NAALADL2: variants seen among roughly 807,000 people sequenced by gnomAD.
NAALADL2 encodes inactive N-acetylated-alpha-linked acidic dipeptidase-like protein 2.
NAALADL2 carries 76 observed loss-of-function variants against 87.2 expected under a neutral mutation model. The ratio of observed to expected loss-of-function variants is 0.87; its 90% CI spans 0.72 to 1.05. The LOEUF (loss-of-function observed/expected upper bound fraction) is 1.05. Among genes scored for constraint, NAALADL2 ranks in the 50% least tolerant of loss-of-function variants. NAALADL2 has a pLI of 0.00. For synonymous variants in NAALADL2, 354 were observed against 331.0 expected (o/e 1.07, Z -0.75); for missense variants, 1,089 against 945.8 (o/e 1.15, Z -1.99).
At chr3:174,498,609 A>G (rs1430434480) in intron 1 of NAALADL2, among the ~76,000 whole-genome samples, 1 of 150,128 alleles carries the variant, frequency 6.7e-6, no homozygotes, top group Non-Finnish European at 1.5e-5. Flanking sequence ...TCTTTAAAAG[A>G]TAAACTATAT....
rs775246309 is a variant in NAALADL2, at chr3:175,008,797, A to G, written c.44-87993A>G. Among the ~76,000 whole-genome samples, 23 of 151,786 alleles carry G rather than the reference A, an allele frequency of 1.5e-4. 1 individual carries two copies. In the South Asian group the frequency reaches 3.9e-3, roughly 26 times the overall value. ...ACCTTCTAGGATTCCTTGCAGTTCCATGTTTGGTCCAGCCATCATTTTTTG... is the reference window on the plus strand; with the variant it reads ...ACCTTCTAGGATTCCTTGCAGTTCCGTGTTTGGTCCAGCCATCATTTTTTG... On this transcript the variant is annotated intron_variant, in intron 1 of 13. Transcript: ENST00000454872.
intron 5 of NAALADL2, among the ~76,000 whole-genome samples, chr3:175,411,126 A>G (rs1224824706): frequency 2.0e-5 from 3 of 152,200 alleles, no homozygotes; most frequent in Non-Finnish European, 2.9e-5. Context: ...AGCAGTAAAG[A>G]TTTAAACCAC....
At chr3:175,189,896 A>G (rs2109045943) in intron 2 of NAALADL2, among the ~76,000 whole-genome samples, 1 of 152,342 alleles carries the variant, frequency 6.6e-6, no homozygotes, top group East Asian at 1.9e-4. Flanking sequence ...ACAGTGAAAC[A>G]AAATAGACAG....
chr3:175,061,971 G>A (rs1207374363), intron 1 of NAALADL2, among the ~76,000 whole-genome samples: 1 of 152,052 alleles, frequency 6.6e-6, no homozygotes, highest in Non-Finnish European at 1.5e-5. Context: ...AGAAAAGCTG[G>A]ATCACAGGTG....
At chr3:175,798,159 A>G (rs1753732206) in intron 13 of NAALADL2, among the ~76,000 whole-genome samples, 1 of 152,080 alleles carries the variant, frequency 6.6e-6, no homozygotes, top group Admixed American at 6.5e-5. Flanking sequence ...TTTCTCATGC[A>G]AATTTAAAGA....
chr3:174,512,442 T>G (rs1719662247), intron 1 of NAALADL2, among the ~76,000 whole-genome samples: 1 of 152,186 alleles, frequency 6.6e-6, no homozygotes, highest in Non-Finnish European at 1.5e-5. Context: ...TTATAAATGG[T>G]GGAAATCTGT....
chr3:174,635,575 T>C (rs1423274728), intron 2 of NAALADL2, among the ~76,000 whole-genome samples: 2 of 151,232 alleles, frequency 1.3e-5, no homozygotes, highest in Non-Finnish European at 2.9e-5. Context: ...CGATCTCGGC[T>C]CACTGCAACT....
chr3:175,180,478 T>C (rs1269061236), intron 2 of NAALADL2, among the ~76,000 whole-genome samples: 1 of 151,928 alleles, frequency 6.6e-6, no homozygotes, highest in African/African-American at 2.4e-5. Flanking sequence ...AGCTTAATCA[T>C]TGCTAGTGAA....
chr3:174,928,264 C>G (rs1021719001), intron 1 of NAALADL2, among the ~76,000 whole-genome samples: 1 of 152,028 alleles, frequency 6.6e-6, no homozygotes, highest in Admixed American at 6.6e-5. Flanking sequence ...TTTATGGAGA[C>G]AGAATTTTGC....
chr3:175,703,632 A>G (rs1739283846), intron 11 of NAALADL2, among the ~76,000 whole-genome samples: 1 of 152,010 alleles, frequency 6.6e-6, no homozygotes, highest in African/African-American at 2.4e-5. Flanking sequence ...AATCCCAGCT[A>G]CTCGGGAGGC....
intron 6 of NAALADL2, among the ~76,000 whole-genome samples, chr3:175,463,130 C>T (rs1372819696): frequency 6.6e-6 from 1 of 152,104 alleles, no homozygotes; most frequent in Non-Finnish European, 1.5e-5. Context: ...TTGTAGAACT[C>T]AATGTAAGGT....
chr3:175,471,532 A>G, intron 8 of NAALADL2, 107 bp from the exon 9 acceptor site: 1 of 696,936 alleles, frequency 1.4e-6, no homozygotes, highest in Non-Finnish European at 2.4e-6. Context: ...TATGCAATAT[A>G]ATAATTTTAA....
chr3:175,718,659 T>C, intron 11 of NAALADL2: 1 of 1,578,418 alleles, frequency 6.3e-7, no homozygotes, highest in East Asian at 2.2e-5. Flanking sequence ...GAGCCCGTGG[T>C]GGCTGCCATC....
chr3:175,623,172 T>A (rs1376186778), intron 10 of NAALADL2, among the ~76,000 whole-genome samples: 6 of 152,108 alleles, frequency 3.9e-5, no homozygotes, highest in African/African-American at 1.4e-4. Context: ...TAAATCTTAA[T>A]TTTTAAGTTA....
intron 2 of NAALADL2, among the ~76,000 whole-genome samples, chr3:174,639,636 C>T (rs1722979182): frequency 6.6e-6 from 1 of 152,172 alleles, no homozygotes; most frequent in African/African-American, 2.4e-5. Flanking sequence ...TTCTTAGGCT[C>T]AGCCTGCAGG....
intron 1 of NAALADL2, among the ~76,000 whole-genome samples, chr3:174,991,803 T>A (rs1442983653): frequency 6.6e-6 from 1 of 152,134 alleles, no homozygotes. Flanking sequence ...CAGTTAAAGT[T>A]GCATGTGTTA....
intron 2 of NAALADL2, among the ~76,000 whole-genome samples, chr3:174,616,154 A>G (rs1026785509): frequency 1.3e-5 from 2 of 151,912 alleles, no homozygotes; most frequent in African/African-American, 4.8e-5. Context: ...TCTTAAACAC[A>G]ATCGTTGATG....
intron 1 of NAALADL2, among the ~76,000 whole-genome samples, chr3:174,942,223 C>G (rs147446944): frequency 7.0e-4 from 106 of 152,166 alleles, no homozygotes; most frequent in African/African-American, 2.3e-3. Flanking sequence ...TAAGGCAGGT[C>G]TGGTATTACT....
chr3:175,787,400 G>A (rs965385882), intron 13 of NAALADL2, among the ~76,000 whole-genome samples: 1 of 152,216 alleles, frequency 6.6e-6, no homozygotes, highest in Non-Finnish European at 1.5e-5. Flanking sequence ...CCAGGTGCGG[G>A]ATGTAATCTT....
Sources: gnomAD v4.1 joint callset for allele counts (sites outside exome capture counted in the v4.1 genomes callset) on GRCh38, gnomAD v4.1.1 for gene constraint, MANE v1.5 for transcripts, NCBI Gene and HGNC (gene_info 2026-07-23, HGNC 2026-07-21) for gene names.